Variants in TOP1 observed in about 807,000 individuals in gnomAD.
The protein encoded by TOP1 is DNA topoisomerase I.
TOP1 carries 10 observed loss-of-function variants against 111.1 expected under a neutral mutation model. The observed-to-expected ratio is 0.09, with a 90% CI of 0.06 to 0.15. TOP1 has a LOEUF of 0.15. TOP1 is among the 10% of genes least tolerant of loss of function. The pLI, the probability that TOP1 is intolerant of heterozygous loss-of-function variation, is 1.00. For missense variants in TOP1, 474 were observed against 926.7 expected (o/e 0.51, Z 6.34); for synonymous variants, 271 against 302.9 (o/e 0.89, Z 1.10).
chr20:41,032,728 T>C lies in TOP1; in HGVS notation c.58+3273T>C, dbSNP rs2122583189. Among the ~76,000 whole-genome samples, 1 of 152,286 alleles carries C rather than the reference T, an allele frequency of 6.6e-6. No individual in the cohort carries two copies. Among genetic ancestry groups the C allele is most frequent in the Admixed American group, 6.5e-5 (1 of 15,294 alleles). On this transcript the variant is annotated intron_variant, in intron 2 of 20. Transcript: ENST00000361337. This position sits in a 1 kb window ranked among gnomAD's most constrained non-coding sequence, Gnocchi z 4.3. The stretch of plus-strand genomic sequence containing the variant: ...TTCTGGTTGGCTTAATGGAATCAAA[T>C]TGGATGAAGGTAATTAAATATGAAT...
At position 41,076,286 on chromosome 20, in the gene TOP1, G is replaced by C; in HGVS notation, c.271G>C (p.Glu91Gln). The C allele has an allele frequency of 6.2e-7, 1 of 1,608,680 alleles. No individual in the cohort carries two copies. Among genetic ancestry groups the C allele is most frequent in the Non-Finnish European group, 8.5e-7 (1 of 1,178,238 alleles). Reference protein sequence around the residue: ...HKDRDKEKRKEEKVRASGDAK... With the variant: ...HKDRDKEKRKQEKVRASGDAK... ...AGACAGAGACAAGGAAAAACGAAAAGAGGAAAAGGTACAGAGTTTTCTAGT... is the reference window on the plus strand; with the variant it reads ...AGACAGAGACAAGGAAAAACGAAAACAGGAAAAGGTACAGAGTTTTCTAGT... The change falls in exon 4 of 21, where the codon GAG becomes CAG. Residue 91 changes from glutamate to glutamine, a missense_variant. Coordinates refer to ENST00000361337, the MANE Select transcript of TOP1 (RefSeq NM_003286.4).
chr20:41,066,834 G>A (rs1433005032), intron 3 of TOP1, among the ~76,000 whole-genome samples: 4 of 151,870 alleles, frequency 2.6e-5, no homozygotes, highest in Non-Finnish European at 5.9e-5. Context: ...GATTACAGGC[G>A]TGAGCCACCG....
Position 41,079,463 on chromosome 20 carries a change from A to G in TOP1, c.336-622A>G, listed in dbSNP as rs1314372565. ...ATAGTAGTGAGACACTCTTCTGTAT[A>G]TAAAGTAAACCTAAGTTAGGACGTT... On this transcript the variant is annotated intron_variant, in intron 5 of 20. Coordinates refer to ENST00000361337, the MANE Select transcript of TOP1 (RefSeq NM_003286.4). The surrounding 1 kb of genome is among the most constrained non-coding windows in gnomAD (Gnocchi z 4.0). Among the ~76,000 whole-genome samples, 1 of 152,242 alleles carries G rather than the reference A, an allele frequency of 6.6e-6. No individual in the cohort carries two copies. The highest frequency in any genetic ancestry group is 2.1e-4 in the South Asian group (1 of 4,838).
At chr20:41,066,557 CTTTTTTTTT>C (rs776922601) in intron 3 of TOP1, among the ~76,000 whole-genome samples, 1 of 129,402 alleles carries the variant, frequency 7.7e-6, no homozygotes, top group African/African-American at 2.9e-5. Context: ...CTTTTCTTTT[CTTTTTTTTT>C]TTTTTTTTGA....
At chr20:41,105,049 C>T (rs2034124391) in intron 13 of TOP1, among the ~76,000 whole-genome samples, 1 of 152,136 alleles carries the variant, frequency 6.6e-6, no homozygotes, top group Non-Finnish European at 1.5e-5. Context: ...CTTATGTGCT[C>T]AATTGTTTTA....
rs935799066 is a variant in TOP1, at chr20:41,106,990, C to G, written c.1308+5637C>G. Reference sequence around the variant, plus strand: ...GCCAAATGTTTTATTAATTGCTATACTCAGTGTTTCTTGTATCTCATACCT... The same window carrying G: ...GCCAAATGTTTTATTAATTGCTATAGTCAGTGTTTCTTGTATCTCATACCT... On this transcript the variant is annotated intron_variant, in intron 13 of 20. Transcript: ENST00000361337. This position sits in a 1 kb window ranked among gnomAD's most constrained non-coding sequence, Gnocchi z 4.3. 3.3e-5 allele frequency among the ~76,000 whole-genome samples: 5 copies of G among 152,162 alleles called. No homozygotes were observed. The highest frequency in any genetic ancestry group is 6.5e-5 in the Admixed American group (1 of 15,278).
chr20:41,090,209 A>T (rs1448749503), intron 8 of TOP1, among the ~76,000 whole-genome samples: 3 of 152,104 alleles, frequency 2.0e-5, no homozygotes, highest in Non-Finnish European at 1.5e-5. Flanking sequence ...TCCTGACCTC[A>T]AGTGATCCCT....
chr20:41,042,192 G>C (rs566610596), intron 2 of TOP1, among the ~76,000 whole-genome samples: 1 of 152,262 alleles, frequency 6.6e-6, no homozygotes, highest in South Asian at 2.1e-4. Flanking sequence ...TTACAGTAGT[G>C]AGCCACCGTG....
chr20:41,044,200 C>G (rs1383862801), intron 2 of TOP1, among the ~76,000 whole-genome samples: 1 of 152,180 alleles, frequency 6.6e-6, no homozygotes, highest in African/African-American at 2.4e-5. Flanking sequence ...CGCTTGAACC[C>G]TGGAGGCGGA....
At chr20:41,081,125 C>A in intron 6 of TOP1, 40 bp from the exon 7 acceptor site, 1 of 1,558,252 alleles carries the variant, frequency 6.4e-7, no homozygotes, top group South Asian at 1.2e-5. Context: ...ACTCCTGAAT[C>A]ATAATTATGT....
chr20:41,063,194 G>A (rs897007960), intron 3 of TOP1, among the ~76,000 whole-genome samples: 6 of 152,186 alleles, frequency 3.9e-5, no homozygotes, highest in African/African-American at 1.4e-4. Flanking sequence ...GTGGTATTTG[G>A]TATTCTGTTC....
chr20:41,086,391 T>G (rs1247455340), intron 8 of TOP1, among the ~76,000 whole-genome samples: 1 of 152,204 alleles, frequency 6.6e-6, no homozygotes, highest in Non-Finnish European at 1.5e-5. Context: ...AATAAAGTGA[T>G]TGTGTAAATT....
intron 3 of TOP1, among the ~76,000 whole-genome samples, chr20:41,070,306 CTCTCTGG>C (rs1184607664): frequency 6.6e-6 from 1 of 152,120 alleles, no homozygotes; most frequent in African/African-American, 2.4e-5. Context: ...TCCTTTTATC[CTCTCTGG>C]CCTGAAAACA....
chr20:41,035,809 T>C (rs1315423892), intron 2 of TOP1, among the ~76,000 whole-genome samples: 1 of 152,224 alleles, frequency 6.6e-6, no homozygotes, highest in Non-Finnish European at 1.5e-5. Flanking sequence ...TATGTATGAA[T>C]GCCCAGATTT....
At position 41,058,712 on chromosome 20, in the gene TOP1, T is replaced by A. The variant is rs1261549249; in HGVS notation, c.59-2682T>A. On this transcript the variant is annotated intron_variant, in intron 2 of 20. Transcript: ENST00000361337. This position sits in a 1 kb window ranked among gnomAD's most constrained non-coding sequence, Gnocchi z 4.2. ...CAGCCCACACTCAAGGGGAGGGGAA[T>A]TAGGCTATACCTCTTGAAAAGCGGA... Among the ~76,000 whole-genome samples the A allele has an allele frequency of 5.3e-5, 8 of 152,170 alleles. No homozygotes were observed. The highest frequency in any genetic ancestry group is 2.1e-4 in the South Asian group (1 of 4,828).
intron 2 of TOP1, among the ~76,000 whole-genome samples, chr20:41,041,948 G>T (rs113966375): frequency 6.6e-6 from 1 of 151,940 alleles, no homozygotes; most frequent in Non-Finnish European, 1.5e-5. Context: ...TCCCTTTGTC[G>T]CCCAGGCTGG....
At chr20:41,045,335 A>G (rs1200291030) in intron 2 of TOP1, among the ~76,000 whole-genome samples, 1 of 152,246 alleles carries the variant, frequency 6.6e-6, no homozygotes, top group African/African-American at 2.4e-5. Flanking sequence ...ATGAGTTTGA[A>G]TAACAGCCTT....
At chr20:41,054,360 G>C (rs1009554828) in intron 2 of TOP1, among the ~76,000 whole-genome samples, 2 of 151,656 alleles carry the variant, frequency 1.3e-5, no homozygotes, top group African/African-American at 4.8e-5. Context: ...ATTTGAAGAA[G>C]GACGTGTTTG....
At chr20:41,035,565 G>A (rs2033174846) in intron 2 of TOP1, among the ~76,000 whole-genome samples, 1 of 152,074 alleles carries the variant, frequency 6.6e-6, no homozygotes. Flanking sequence ...CAGATCCCTG[G>A]GTATTCTGAC....
Sources: gnomAD v4.1 joint callset for allele counts (sites outside exome capture counted in the v4.1 genomes callset) on GRCh38, gnomAD v4.1.1 for gene constraint, Gnocchi (gnomAD v3.1) non-coding constraint, MANE v1.5 for transcripts, NCBI Gene and HGNC (gene_info 2026-07-23, HGNC 2026-07-21) for gene names.